Variants in TMEM132E observed in about 807,000 individuals in gnomAD.
TMEM132E encodes the protein transmembrane protein 132E.
In TMEM132E, 49 loss-of-function variants were observed where a neutral mutation model predicts 78.5. That is an observed-to-expected ratio of 0.62 (90% confidence interval 0.50 to 0.79). The LOEUF (loss-of-function observed/expected upper bound fraction) is 0.79. Ranked by LOEUF, TMEM132E falls within the 30% of genes least tolerant of loss-of-function variation. TMEM132E has a pLI of 0.00. For synonymous variants in TMEM132E, 715 were observed against 670.6 expected, an observed-to-expected ratio of 1.07 and a Z score of -1.02; for missense variants, 1,403 against 1,470.9, an observed-to-expected ratio of 0.95 and a Z score of 0.75.
chr17:34,581,192 G>T (rs1429490281), intron 1 of TMEM132E, 49 bp downstream of exon 1: 1 of 1,458,714 alleles, frequency 6.9e-7, no homozygotes. Context: ...AGGCGCCACT[G>T]GAGGGGGTAC....
At chr17:34,605,996 C>G (rs188757219) in intron 1 of TMEM132E, among the ~76,000 whole-genome samples, 1 of 152,306 alleles carries the variant, frequency 6.6e-6, no homozygotes, top group East Asian at 1.9e-4. Flanking sequence ...ATTCCACCTA[C>G]AACAAAGCCA....
intron 1 of TMEM132E, among the ~76,000 whole-genome samples, chr17:34,624,603 G>C (rs1018784556): frequency 1.3e-5 from 2 of 152,204 alleles, no homozygotes; most frequent in African/African-American, 2.4e-5. Context: ...GGTGCAGCAT[G>C]AACAAAGGAG....
chr17:34,625,030 A>G (rs1000817717), intron 1 of TMEM132E, among the ~76,000 whole-genome samples: 1 of 152,178 alleles, frequency 6.6e-6, no homozygotes, highest in Admixed American at 6.5e-5. Flanking sequence ...ACAGTGTCCA[A>G]CGAGTTTTGG....
intron 3 of TMEM132E, 109 bp from the exon 4 acceptor site, chr17:34,628,903 C>T: frequency 1.4e-6 from 2 of 1,418,294 alleles, no homozygotes; most frequent in Non-Finnish European, 1.9e-6. Context: ...CAGAGGGCCC[C>T]ATCAGGCAGC....
At chr17:34,583,940 C>A (rs1229565521) in intron 1 of TMEM132E, among the ~76,000 whole-genome samples, 1 of 152,228 alleles carries the variant, frequency 6.6e-6, no homozygotes, top group Non-Finnish European at 1.5e-5. Flanking sequence ...AGTCTCCAGC[C>A]CTCTTCCAGG....
intron 1 of TMEM132E, among the ~76,000 whole-genome samples, chr17:34,587,795 G>A (rs1597674797): frequency 1.3e-5 from 2 of 152,252 alleles, no homozygotes; most frequent in East Asian, 3.8e-4. Context: ...CTCTTCTGCA[G>A]TTCAGATCCA....
rs1456098871 is a variant in TMEM132E at position 34,638,283 on chromosome 17, G to A, written c.*51G>A. 6.8e-7 allele frequency: 1 copy of A among 1,465,136 alleles called. No homozygotes were observed. Among genetic ancestry groups the A allele is most frequent in the Non-Finnish European group, 9.1e-7 (1 of 1,104,952 alleles). The allele number at this position is 1,465,136 out of a possible 1,614,324, so 90.8% of individuals were successfully genotyped here. On this transcript the variant is annotated 3_prime_UTR_variant, in exon 9 of 9. Coordinates refer to ENST00000631683, the MANE Select transcript of TMEM132E (RefSeq NM_001304438.2). ...CCCCCCCCCCAACGGGGTCAGCTCG[G>A]GGTAGGACACAGCCGGGACCCCGGT...
chr17:34,627,251 T>C (rs964190552), intron 2 of TMEM132E, among the ~76,000 whole-genome samples, 194 bp downstream of exon 2: 9 of 152,258 alleles, frequency 5.9e-5, no homozygotes, highest in Non-Finnish European at 1.0e-4. Context: ...AAGGCTCTTA[T>C]CTGTCTAATG....
chr17:34,613,492 A>G (rs1201563793), intron 1 of TMEM132E, among the ~76,000 whole-genome samples: 1 of 147,358 alleles, frequency 6.8e-6, no homozygotes, highest in Non-Finnish European at 1.5e-5. Flanking sequence ...CTACCTCACT[A>G]CTAGTCCGTC....
At chr17:34,604,209 G>A (rs72817888) in intron 1 of TMEM132E, among the ~76,000 whole-genome samples, 1 of 152,158 alleles carries the variant, frequency 6.6e-6, no homozygotes, top group African/African-American at 2.4e-5. Flanking sequence ...GGGACCAAGT[G>A]CAGGCAGAGT....
chr17:34,622,116 C>T (rs1202472771), intron 1 of TMEM132E, among the ~76,000 whole-genome samples: 3 of 152,198 alleles, frequency 2.0e-5, no homozygotes, highest in Admixed American at 6.5e-5. Flanking sequence ...AGCACACACG[C>T]GTGTGTGCAC....
intron 1 of TMEM132E, among the ~76,000 whole-genome samples, chr17:34,586,595 G>A (rs1905689825): frequency 6.6e-6 from 1 of 152,150 alleles, no homozygotes. Context: ...TCCGAGTCCA[G>A]GCATCATTAT....
At chr17:34,597,233 T>C (rs944875793) in intron 1 of TMEM132E, among the ~76,000 whole-genome samples, 11 of 152,122 alleles carry the variant, frequency 7.2e-5, no homozygotes, top group Non-Finnish European at 7.4e-5. Context: ...GACTGCTTCC[T>C]TCTCAGACTA....
intron 1 of TMEM132E, among the ~76,000 whole-genome samples, chr17:34,585,173 G>A (rs532931812): frequency 6.6e-6 from 1 of 152,340 alleles, no homozygotes; most frequent in East Asian, 1.9e-4. Flanking sequence ...AGTAGGTGGG[G>A]ATGTGTTATA....
At chr17:34,603,802 T>C (rs1227255927) in intron 1 of TMEM132E, among the ~76,000 whole-genome samples, 5 of 152,186 alleles carry the variant, frequency 3.3e-5, no homozygotes, top group Non-Finnish European at 7.4e-5. Context: ...CCTGGCCATC[T>C]CAGCCATACT....
chr17:34,631,729 C>T, intron 5 of TMEM132E, among the ~76,000 whole-genome samples: 1 of 152,158 alleles, frequency 6.6e-6, no homozygotes, highest in East Asian at 1.9e-4. Flanking sequence ...CCCAGAGCCC[C>T]TGGGTCCTTC....
intron 5 of TMEM132E, among the ~76,000 whole-genome samples, chr17:34,630,928 C>G (rs374138775): frequency 1.7e-4 from 26 of 152,280 alleles, no homozygotes; most frequent in African/African-American, 5.5e-4. Flanking sequence ...TGGCTTTGAA[C>G]AGTGGTCAGA....
intron 1 of TMEM132E, among the ~76,000 whole-genome samples, chr17:34,595,667 A>AGGG (rs996973769): frequency 1.3e-5 from 2 of 152,200 alleles, no homozygotes; most frequent in Admixed American, 6.5e-5. Flanking sequence ...AAGTCCAGAG[A>AGGG]GGGGAGGAGT....
rs148077714 is a variant in TMEM132E, at chr17:34,609,388, G to A, written c.68-16739G>A. Among the ~76,000 whole-genome samples, 231 of 152,324 alleles carry A rather than the reference G, an allele frequency of 1.5e-3. 2 individuals carry two copies. The highest frequency in any genetic ancestry group is 5.5e-3 in the African/African-American group (227 of 41,564). On this transcript the variant is annotated intron_variant, in intron 1 of 8. Coordinates refer to ENST00000631683, the MANE Select transcript of TMEM132E (RefSeq NM_001304438.2). ...TGAGCAGATGAGGTCATCAGGTGAG[G>A]GGAGTGGCACCTGCCCCTTTACCTC...
Sources: gnomAD v4.1 joint callset for allele counts (sites outside exome capture counted in the v4.1 genomes callset) on GRCh38, gnomAD v4.1.1 for gene constraint, MANE v1.5 for transcripts, NCBI Gene and HGNC (gene_info 2026-07-23, HGNC 2026-07-21) for gene names.